The following CLIC5 variants were observed in gnomAD, a reference collection of about 807,000 sequenced individuals.
CLIC5 encodes CLIC family member 5.
In CLIC5, 20 loss-of-function variants were observed where a neutral mutation model predicts 24.7. The observed-to-expected ratio is 0.81, with a 90% confidence interval of 0.57 to 1.18. CLIC5 has a LOEUF of 1.18. CLIC5 is among the 50% of genes most tolerant of loss of function. The probability of loss-of-function intolerance (pLI) is 0.00; values close to 1 mark genes in which losing one functional copy is unlikely to be tolerated. For missense variants in CLIC5, 341 were observed against 326.1 expected, an observed-to-expected ratio of 1.05 and a Z score of -0.35; for synonymous variants, 159 against 135.6, an observed-to-expected ratio of 1.17 and a Z score of -1.20.
intron 4 of CLIC5, among the ~76,000 whole-genome samples, chr6:45,920,852 G>A (rs1195458914): frequency 1.3e-5 from 2 of 152,178 alleles, no homozygotes; most frequent in Non-Finnish European, 1.5e-5. Context: ...CTGCTATAAC[G>A]AGCTCAATTT....
At chr6:45,953,305 A>G (rs1764530862) in intron 2 of CLIC5, among the ~76,000 whole-genome samples, 1 of 152,182 alleles carries the variant, frequency 6.6e-6, no homozygotes, top group Admixed American at 6.5e-5. Context: ...GAACTTGATG[A>G]AACACTAAAT....
chr6:45,929,004 G>A (rs545629800), intron 4 of CLIC5, among the ~76,000 whole-genome samples: 1 of 152,206 alleles, frequency 6.6e-6, no homozygotes, highest in South Asian at 2.1e-4. Context: ...GTCAGACAGC[G>A]GGAAATTCCA....
chr6:46,008,082 T>C (rs1444315248), intron 1 of CLIC5, among the ~76,000 whole-genome samples: 1 of 152,142 alleles, frequency 6.6e-6, no homozygotes, highest in Non-Finnish European at 1.5e-5. Context: ...TATCAATCTT[T>C]CTAAACATAA....
Position 45,935,145 on chromosome 6 carries a change from G to A in CLIC5, c.406+6402C>T, listed in dbSNP as rs1036140176. ...AAATGGCAGATTGAGGGTAAGAAAT[G>A]CAAAATGTAAGACAGATATTCAGAG... On this transcript the variant is annotated intron_variant, in intron 4 of 5. Coordinates refer to ENST00000339561, the MANE Select transcript of CLIC5 (RefSeq NM_016929.5). Among the ~76,000 whole-genome samples, 6 of 152,220 alleles carry A rather than the reference G, an allele frequency of 3.9e-5. No individual in the cohort carries two copies. The South Asian group carries it at 1.2e-3, about 32-fold the overall frequency.
At chr6:45,897,409 G>C (rs554423195), downstream of CLIC5, among the ~76,000 whole-genome samples, 105 of 152,222 alleles carry the variant, frequency 6.9e-4, no homozygotes, top group African/African-American at 2.4e-3. Context: ...AGTCATCTGA[G>C]GGTGGGAGTG....
intron 1 of CLIC5, among the ~76,000 whole-genome samples, chr6:46,075,402 TACAAACAAACAA>T (rs563829035): frequency 6.6e-6 from 1 of 151,910 alleles, no homozygotes; most frequent in South Asian, 2.1e-4. Context: ...ACCCTGTCTC[TACAAACAAACAA>T]ACAAACAAAC....
At position 45,912,841 on chromosome 6, in the gene CLIC5, C is replaced by T. The variant is rs1762869770; in HGVS notation, c.588+1387G>A. ...GACCTACAAGTGACTATTGGCTTGG[C>T]CCCAAATCCAAAATGTTCTTTTCTA... On this transcript the variant is annotated intron_variant, in intron 5 of 5. Coordinates refer to ENST00000339561, the MANE Select transcript of CLIC5 (RefSeq NM_016929.5). The T allele has an allele frequency of 3.8e-6, 3 of 794,568 alleles. No individual in the cohort carries two copies. In the Admixed American group the frequency reaches 6.2e-5, roughly 17 times the overall value. The allele number at this position is 794,568 out of a possible 1,614,324, so 49.2% of individuals were successfully genotyped here. A position where few individuals can be genotyped will look rare whatever the true frequency, so the allele number is the denominator to read the frequency against.
chr6:46,053,797 G>A (rs189292440), intron 1 of CLIC5, among the ~76,000 whole-genome samples: 7 of 152,196 alleles, frequency 4.6e-5, no homozygotes, highest in South Asian at 4.1e-4. Context: ...GGAGTTTGAC[G>A]AGAACTTTAC....
chr6:46,097,844 T>C, the CLIC5 span, among the ~76,000 whole-genome samples: 1 of 152,194 alleles, frequency 6.6e-6, no homozygotes, highest in African/African-American at 2.4e-5. Flanking sequence ...TAATCTGAAA[T>C]GGTAACCGTT....
At chr6:46,100,398 T>C in the CLIC5 span, among the ~76,000 whole-genome samples, 1 of 152,240 alleles carries the variant, frequency 6.6e-6, no homozygotes, top group Non-Finnish European at 1.5e-5. Context: ...TGCCCTTTGT[T>C]ATCCAGCAGC....
chr6:45,972,168 G>A (rs1447492231), intron 1 of CLIC5, among the ~76,000 whole-genome samples: 1 of 152,208 alleles, frequency 6.6e-6, no homozygotes, highest in Admixed American at 6.5e-5. Flanking sequence ...TTGCAATTAT[G>A]TGATTAGCTT....
intron 1 of CLIC5, among the ~76,000 whole-genome samples, chr6:46,026,656 A>G (rs1388398859): frequency 1.3e-5 from 2 of 152,158 alleles, no homozygotes; most frequent in Non-Finnish European, 2.9e-5. Context: ...ATTAAATTCA[A>G]CAAACACTTC....
chr6:45,991,875 G>A (rs1765954799), intron 1 of CLIC5, among the ~76,000 whole-genome samples: 1 of 152,162 alleles, frequency 6.6e-6, no homozygotes, highest in South Asian at 2.1e-4. Context: ...TTGAAACTGT[G>A]TGAATCCATA....
At chr6:46,085,381 C>T in the CLIC5 span, among the ~76,000 whole-genome samples, 9 of 152,236 alleles carry the variant, frequency 5.9e-5, no homozygotes, top group African/African-American at 9.6e-5. Flanking sequence ...TTTTCTGCTC[C>T]GTTTTTTCCC....
upstream of CLIC5, among the ~76,000 whole-genome samples, chr6:46,080,593 A>C (rs1308714765): frequency 6.6e-6 from 1 of 152,138 alleles, no homozygotes; most frequent in African/African-American, 2.4e-5. Flanking sequence ...TGAAATTTTG[A>C]ATATGTAGCC....
chr6:45,943,434 C>T (rs531412158), intron 3 of CLIC5, among the ~76,000 whole-genome samples: 1 of 152,244 alleles, frequency 6.6e-6, no homozygotes, highest in South Asian at 2.1e-4. Context: ...TGGGGGCACA[C>T]AGCAGGGCTT....
At chr6:46,007,364 T>G (rs942085530) in intron 1 of CLIC5, among the ~76,000 whole-genome samples, 1 of 152,222 alleles carries the variant, frequency 6.6e-6, no homozygotes, top group Non-Finnish European at 1.5e-5. Flanking sequence ...GACACTAACC[T>G]TTCCAGGGGT....
chr6:45,916,926 G>A (rs1329184464), intron 4 of CLIC5, among the ~76,000 whole-genome samples: 1 of 152,170 alleles, frequency 6.6e-6, no homozygotes, highest in Non-Finnish European at 1.5e-5. Flanking sequence ...AACAGCCGTG[G>A]TAGAGGAAGA....
chr6:46,104,815 C>A, the CLIC5 span, among the ~76,000 whole-genome samples: 1 of 152,146 alleles, frequency 6.6e-6, no homozygotes, highest in Non-Finnish European at 1.5e-5. Context: ...GAGCAAAAAT[C>A]TGACCTGAAA....
Sources: allele counts gnomAD v4.1 joint callset (sites outside exome capture counted in the v4.1 genomes callset), GRCh38; gene constraint gnomAD v4.1.1; transcripts MANE v1.5; gene names NCBI Gene and HGNC (gene_info 2026-07-23, HGNC 2026-07-21).